The following PJA2 variants were observed in gnomAD, a reference collection of about 807,000 sequenced individuals.
PJA2 encodes E3 ubiquitin-protein ligase Praja-2.
In PJA2, 25 loss-of-function variants were observed where a neutral mutation model predicts 69.3. The observed-to-expected ratio is 0.36, with a 90% CI of 0.26 to 0.50. The LOEUF is 0.50. PJA2 is among the 20% of genes least tolerant of loss of function. PJA2 has a pLI of 0.96. For synonymous variants in PJA2, 308 were observed against 277.8 expected (o/e 1.11, Z -1.08); for missense variants, 809 against 830.2 (o/e 0.97, Z 0.31).
chr5:109,345,135 G>A lies in PJA2; in HGVS notation c.1765-316C>T, dbSNP rs377121487. Among the ~76,000 whole-genome samples the A allele has an allele frequency of 5.2e-3, 759 of 146,092 alleles. 6 individuals are homozygous for A. The highest frequency in any genetic ancestry group is 0.018 in the African/African-American group (710 of 39,010). On this transcript the variant is annotated intron_variant, in intron 7 of 9. Transcript: ENST00000361189. ...AGGCGGGGTGGGTCACTTGAGGTCA[G>A]GAGTTCAAGACAGCCTGACCAACAT...
In PJA2 at chr5:109,379,033, T is replaced by C; in HGVS notation, c.454A>G (p.Ser152Gly). The change falls in exon 4 of 10, where the codon AGT becomes GGT. Residue 152 changes from serine (S) to glycine (G), a missense_variant. Ser to Gly is a moderately conservative substitution (Grantham distance 56). Coordinates refer to ENST00000361189, the MANE Select transcript of PJA2 (RefSeq NM_014819.5). ...SEGEYIPGAC[S>G]ASSVQNGIAL... The stretch of plus-strand genomic sequence containing the variant: ...ATTCCATTTTGGACACTTGAAGCAC[T>C]ACAAGCTCCTGGAATATACTCTCCC... 6.2e-7 allele frequency: 1 copy of C among 1,614,162 alleles called. No individual in the cohort carries two copies. The highest frequency in any genetic ancestry group is 8.5e-7 in the Non-Finnish European group (1 of 1,180,014).
chr5:109,401,873 T>C (rs1035263443), intron 1 of PJA2, among the ~76,000 whole-genome samples: 1 of 152,196 alleles, frequency 6.6e-6, no homozygotes, highest in Non-Finnish European at 1.5e-5. Flanking sequence ...ACTACCATAC[T>C]AGACAGCACA....
At chr5:109,384,663 T>A (rs1747120041) in intron 1 of PJA2, among the ~76,000 whole-genome samples, 1 of 152,190 alleles carries the variant, frequency 6.6e-6, no homozygotes, top group Non-Finnish European at 1.5e-5. Flanking sequence ...CAAACCCACA[T>A]TCACCCATAT....
chr5:109,401,560 C>G (rs1006636418), intron 1 of PJA2, among the ~76,000 whole-genome samples: 20 of 152,164 alleles, frequency 1.3e-4, no homozygotes, highest in African/African-American at 4.1e-4. Flanking sequence ...CAGCCAAATT[C>G]TTATTTGAAA....
intron 9 of PJA2, among the ~76,000 whole-genome samples, chr5:109,343,477 T>C (rs1161972061): frequency 6.6e-6 from 1 of 151,964 alleles, no homozygotes; most frequent in Non-Finnish European, 1.5e-5. Context: ...AACACCAACC[T>C]GTATTAGCAG....
chr5:109,348,215 A>G (rs1762198411), intron 7 of PJA2, among the ~76,000 whole-genome samples: 2 of 152,174 alleles, frequency 1.3e-5, no homozygotes, highest in Admixed American at 1.3e-4. Context: ...TCGTGATGTG[A>G]GATGGATTAT....
At chr5:109,395,528 G>A (rs2416208) in intron 1 of PJA2, among the ~76,000 whole-genome samples, 3,170 of 152,128 alleles carry the variant, frequency 0.021, 111 homozygotes, top group African/African-American at 0.072. Context: ...CCCTGACTTC[G>A]GGGGAGGGAA....
At chr5:109,374,974 C>A (rs1230889385) in intron 4 of PJA2, among the ~76,000 whole-genome samples, 1 of 152,114 alleles carries the variant, frequency 6.6e-6, no homozygotes, top group Non-Finnish European at 1.5e-5. Flanking sequence ...TAATTATATG[C>A]TGCCTATTAA....
At chr5:109,384,453 T>C (rs1398083935) in intron 1 of PJA2, among the ~76,000 whole-genome samples, 1 of 152,224 alleles carries the variant, frequency 6.6e-6, no homozygotes, top group Non-Finnish European at 1.5e-5. Flanking sequence ...TTATTTACTA[T>C]TTGAAAAGTA....
chr5:109,380,613 GC>G (rs1322706399), intron 3 of PJA2, among the ~76,000 whole-genome samples: 1 of 151,518 alleles, frequency 6.6e-6, no homozygotes, highest in African/African-American at 2.4e-5. Context: ...TTCGAGACCA[GC>G]CTGGGCAACA....
At position 109,378,256 on chromosome 5, in the gene PJA2, A is replaced by C. The variant is rs781738558; in HGVS notation, c.1231T>G (p.Phe411Val). ...TAGRQEVDNTFWNGCGDYYQL... is the reference protein window; with the variant it reads ...TAGRQEVDNTVWNGCGDYYQL... ...TAATAATCTCCACAGCCATTCCAAAAGGTGTTATCCACCTCTTGCCTTCCT... is the reference window on the plus strand; with the variant it reads ...TAATAATCTCCACAGCCATTCCAAACGGTGTTATCCACCTCTTGCCTTCCT... The change falls in exon 4 of 10, where the codon TTT becomes GTT. Residue 411 changes from phenylalanine to valine, a missense_variant. By Grantham distance (50) the Phe-to-Val change is conservative (BLOSUM62 -1). Coordinates refer to ENST00000361189, the MANE Select transcript of PJA2 (RefSeq NM_014819.5). 4 of 1,613,786 alleles carry C rather than the reference A, an allele frequency of 2.5e-6. 1 individual carries two copies. The South Asian group carries it at 4.4e-5, about 18-fold the overall frequency.
intron 1 of PJA2, among the ~76,000 whole-genome samples, chr5:109,397,872 T>C (rs545080594): frequency 5.3e-5 from 8 of 152,236 alleles, no homozygotes; most frequent in African/African-American, 1.9e-4. Context: ...CTGTCCTCCA[T>C]TGCTGCTAGG....
chr5:109,358,214 C>A (rs187949657), intron 6 of PJA2, among the ~76,000 whole-genome samples: 1 of 152,236 alleles, frequency 6.6e-6, no homozygotes, highest in Non-Finnish European at 1.5e-5. Flanking sequence ...ACACCTGGCC[C>A]GCCCAGGGAG....
chr5:109,390,683 T>A (rs1282052457), intron 1 of PJA2: 4 of 151,094 alleles, frequency 2.6e-5, no homozygotes, highest in Non-Finnish European at 5.9e-5. Flanking sequence ...TCCTTGGTAA[T>A]TTTTTTTTAT....
At position 109,357,859 on chromosome 5, in the gene PJA2, T is replaced by C. The variant is rs74604836; in HGVS notation, c.1653-1833A>G. Among the ~76,000 whole-genome samples, 573 of 152,354 alleles carry C rather than the reference T, an allele frequency of 3.8e-3. 2 individuals are homozygous for C. Among genetic ancestry groups the C allele is most frequent in the African/African-American group, 0.013 (535 of 41,578 alleles). Reference sequence around the variant, plus strand: ...CTTTGCAAAAAAACTCTTCAAACGATTGAAGACAACTATCTCCCAATGATT... The same window carrying C: ...CTTTGCAAAAAAACTCTTCAAACGACTGAAGACAACTATCTCCCAATGATT... On this transcript the variant is annotated intron_variant, in intron 6 of 9. Transcript: ENST00000361189.
At chr5:109,384,584 G>C (rs574040877) in intron 1 of PJA2, among the ~76,000 whole-genome samples, 1 of 152,162 alleles carries the variant, frequency 6.6e-6, no homozygotes, top group South Asian at 2.1e-4. Flanking sequence ...CAATAGCTCT[G>C]CAAATGAGTT....
At chr5:109,355,860 T>G in intron 7 of PJA2, 55 bp downstream of exon 7, 1 of 1,286,060 alleles carries the variant, frequency 7.8e-7, no homozygotes, top group Non-Finnish European at 1.1e-6. Flanking sequence ...CCTTTAAACC[T>G]TTATCATTTT....
At chr5:109,344,926 T>C in intron 7 of PJA2, 107 bp from the exon 8 acceptor site, 1 of 681,108 alleles carries the variant, frequency 1.5e-6, no homozygotes, top group Non-Finnish European at 2.4e-6. Flanking sequence ...CTCTTTTTGT[T>C]AGTTTCTTTT....
In PJA2 at chr5:109,345,513, C is replaced by CAAAAA. The variant is rs531364060; in HGVS notation, c.1765-699_1765-695dup. Among the ~76,000 whole-genome samples, 23 of 91,736 alleles carry CAAAAA rather than the reference C, an allele frequency of 2.5e-4. 1 individual carries two copies. The highest frequency in any genetic ancestry group is 6.4e-4 in the Admixed American group (5 of 7,798). 60.2% of individuals were successfully genotyped at this position (91,736 alleles called of 152,430 possible). ...TGGGTGACAGAGCGAGACTCTGTCT[C>CAAAAA]AAAAAAAAAAAAAAAAAAAAACTAC... On this transcript the variant is annotated intron_variant, in intron 7 of 9. Transcript: ENST00000361189.
Sources: allele counts gnomAD v4.1 joint callset (sites outside exome capture counted in the v4.1 genomes callset), GRCh38; gene constraint gnomAD v4.1.1; transcripts MANE v1.5; gene names NCBI Gene and HGNC (gene_info 2026-07-23, HGNC 2026-07-21).